Variants in DHX36 observed in about 807,000 individuals in gnomAD.
DHX36 encodes ATP-dependent DNA/RNA helicase DHX36.
A neutral mutation model predicts 139.0 loss-of-function variants in DHX36; 50 were observed. The ratio of observed to expected loss-of-function variants is 0.36; its 90% CI spans 0.29 to 0.46. The LOEUF (loss-of-function observed/expected upper bound fraction) is 0.46, where lower values mean the gene tolerates loss of function less well. Ranked by LOEUF, DHX36 falls within the 20% of genes least tolerant of loss-of-function variation. DHX36 has a pLI of 1.00. For synonymous variants in DHX36, 425 were observed against 401.9 expected (o/e 1.06, Z -0.69); for missense variants, 1,024 against 1,211.3 (o/e 0.85, Z 2.29).
At chr3:154,306,440 T>TA in intron 5 of DHX36, 145 bp from the exon 6 acceptor site, 1 of 657,882 alleles carries the variant, frequency 1.5e-6, no homozygotes, top group East Asian at 2.8e-5. Flanking sequence ...CTGAGGTATC[T>TA]AAAACAGTGT....
At chr3:154,323,873 T>C (rs1194159177) in intron 1 of DHX36, among the ~76,000 whole-genome samples, 3 of 152,324 alleles carry the variant, frequency 2.0e-5, no homozygotes, top group Middle Eastern at 3.4e-3. Context: ...ACGACACTCC[T>C]AATAAAGTTA....
intron 1 of DHX36, among the ~76,000 whole-genome samples, chr3:154,321,111 A>T (rs1425090162): frequency 6.6e-6 from 1 of 152,224 alleles, no homozygotes; most frequent in Admixed American, 6.5e-5. Context: ...AAAAAACCTC[A>T]AAGCAATGTG....
chr3:154,289,878 C>T, intron 15 of DHX36, 52 bp from the exon 16 acceptor site: 1 of 1,135,486 alleles, frequency 8.8e-7, no homozygotes, highest in Non-Finnish European at 1.3e-6. Context: ...TCATCAATGA[C>T]TTTTTAGAAC....
chr3:154,300,813 A>G (rs1469494378), intron 10 of DHX36, 117 bp from the exon 11 acceptor site: 12 of 1,249,194 alleles, frequency 9.6e-6, no homozygotes, highest in Non-Finnish European at 1.4e-5. Context: ...CAGATCGGAG[A>G]GAATTACTGG....
intron 4 of DHX36, among the ~76,000 whole-genome samples, chr3:154,310,474 A>G (rs1394363970): frequency 6.6e-6 from 1 of 151,580 alleles, no homozygotes; most frequent in African/African-American, 2.4e-5. Context: ...TAACTTGAAA[A>G]CCTACCTTTT....
intron 10 of DHX36, 128 bp from the exon 11 acceptor site, chr3:154,300,824 G>A: frequency 8.2e-7 from 1 of 1,216,860 alleles, no homozygotes; most frequent in Non-Finnish European, 1.2e-6. Flanking sequence ...GAATTACTGG[G>A]GTAATTACTG....
chr3:154,304,662 C>A (rs1007549146), intron 8 of DHX36, 144 bp downstream of exon 8: 16 of 608,676 alleles, frequency 2.6e-5, no homozygotes, highest in African/African-American at 3.8e-5. Flanking sequence ...TTGTCTAATC[C>A]ATGAAACTGG....
At chr3:154,300,023 T>C (rs1026501283) in intron 11 of DHX36, 98 bp from the exon 12 acceptor site, 1 of 754,696 alleles carries the variant, frequency 1.3e-6, no homozygotes, top group African/African-American at 1.8e-5. Context: ...AAAATTATAC[T>C]AGCTCAGGAT....
intron 9 of DHX36, among the ~76,000 whole-genome samples, chr3:154,301,336 A>C (rs1712268554): frequency 6.6e-6 from 1 of 152,230 alleles, no homozygotes; most frequent in South Asian, 2.1e-4. Context: ...TCTTTATTGA[A>C]GTATATAAAC....
At chr3:154,316,556 A>G (rs950509642) in intron 1 of DHX36, among the ~76,000 whole-genome samples, 8 of 152,112 alleles carry the variant, frequency 5.3e-5, no homozygotes, top group African/African-American at 1.9e-4. Context: ...TGAAAACTGG[A>G]AATAGTTTGG....
chr3:154,318,245 C>A (rs960100536), intron 1 of DHX36, among the ~76,000 whole-genome samples: 16 of 152,194 alleles, frequency 1.1e-4, no homozygotes, highest in African/African-American at 3.9e-4. Context: ...TATGTTACCT[C>A]CTTTTTTGAA....
chr3:154,307,369 T>A (rs908857019), intron 5 of DHX36, among the ~76,000 whole-genome samples: 1 of 152,134 alleles, frequency 6.6e-6, no homozygotes, highest in Non-Finnish European at 1.5e-5. Context: ...AAACTATTCA[T>A]CCAGCAGTGG....
rs778381631 is a variant in DHX36, at chr3:154,306,295, C to T, written c.814G>A (p.Val272Ile). Residue 272 changes from valine (V) to isoleucine (I), a missense_variant and splice_region_variant, in exon 6 of 25, where the codon GTT becomes ATT. Physicochemically the swap from Val to Ile is conservative, Grantham distance 29. This residue lies in a region of DHX36 where 146 missense variants were observed against 215.0 expected (regional missense o/e 0.68). Transcript: ENST00000496811. ...CTTTCTGCAGCTACTCTTTCCGCAACCTTTAATTCAAATAAAACATAAAGA... is the reference window on the plus strand; with the variant it reads ...CTTTCTGCAGCTACTCTTTCCGCAATCTTTAATTCAAATAAAACATAAAGA... Reference protein sequence around the residue: ...TQPRRISAISVAERVAAERAE... With the variant: ...TQPRRISAISIAERVAAERAE... 5 of 1,611,568 alleles carry T rather than the reference C, an allele frequency of 3.1e-6. No homozygotes were observed. In the African/African-American group the frequency reaches 5.3e-5, roughly 17 times the overall value.
At chr3:154,300,564 G>A (rs745914910) in intron 11 of DHX36, 30 bp downstream of exon 11, 122 of 1,536,982 alleles carry the variant, frequency 7.9e-5, no homozygotes, top group Non-Finnish European at 1.0e-4. Flanking sequence ...TTAAAATTAT[G>A]TTAACTGAAG....
At chr3:154,318,713 T>C (rs750122443) in intron 1 of DHX36, among the ~76,000 whole-genome samples, 11 of 152,198 alleles carry the variant, frequency 7.2e-5, no homozygotes, top group Admixed American at 2.0e-4. Context: ...AGTTGAATTG[T>C]AGTACACCCA....
chr3:154,283,921 A>G (rs1385916872), intron 19 of DHX36, among the ~76,000 whole-genome samples: 2 of 152,176 alleles, frequency 1.3e-5, no homozygotes, highest in Non-Finnish European at 2.9e-5. Flanking sequence ...TTAAATCTGA[A>G]TACAGGGTAG....
chr3:154,310,368 AC>A (rs1712682880), intron 4 of DHX36, among the ~76,000 whole-genome samples: 1 of 152,182 alleles, frequency 6.6e-6, no homozygotes, highest in South Asian at 2.1e-4. Context: ...AAAATTGTAT[AC>A]ATTAATATTT....
rs1373009413 is a variant in DHX36 at position 154,299,928 on chromosome 3, A to G, written c.1462-3T>C. 3.1e-6 allele frequency: 5 copies of G among 1,603,224 alleles called. No individual in the cohort carries two copies. Among genetic ancestry groups the G allele is most frequent in the South Asian group, 1.1e-5 (1 of 90,612 alleles). Reference sequence around the variant, plus strand: ...AGAAAGACCAGTATCGCACCATCCTATATGAAGGGGAAATAACCATTACAA... The same window carrying G: ...AGAAAGACCAGTATCGCACCATCCTGTATGAAGGGGAAATAACCATTACAA... On this transcript the variant is annotated splice_region_variant and splice_polypyrimidine_tract_variant and intron_variant, in intron 11 of 24. Coordinates refer to ENST00000496811, the MANE Select transcript of DHX36 (RefSeq NM_020865.3).
At position 154,276,117 on chromosome 3, in the gene DHX36, CAA is replaced by C; in HGVS notation, c.*52_*53del. 1 of 1,556,006 alleles carries C rather than the reference CAA, an allele frequency of 6.4e-7. No homozygotes were observed. The highest frequency in any genetic ancestry group is 8.7e-7 in the Non-Finnish European group (1 of 1,151,764). ...GTTTGGCATCCAGCCAAAATTTAAA[CAA>C]TGATGAAGAATGGCTGTCAAACTGG... On this transcript the variant is annotated 3_prime_UTR_variant, in exon 25 of 25. Coordinates refer to ENST00000496811, the MANE Select transcript of DHX36 (RefSeq NM_020865.3).
Sources: allele counts gnomAD v4.1 joint callset (sites outside exome capture counted in the v4.1 genomes callset), GRCh38; gene constraint gnomAD v4.1.1; regional missense constraint gnomAD v4.1.1; transcripts MANE v1.5; gene names NCBI Gene and HGNC (gene_info 2026-07-23, HGNC 2026-07-21).